PTGER3: variants seen among roughly 807,000 people sequenced by gnomAD.
PTGER3 encodes prostaglandin E receptor 3, also known as prostaglandin E2 receptor EP3 subtype.
PTGER3 carries 22 observed loss-of-function variants against 34.7 expected under a neutral mutation model. The ratio of observed to expected loss-of-function variants is 0.63; its 90% CI spans 0.45 to 0.91. The LOEUF (loss-of-function observed/expected upper bound fraction) is 0.91, where lower values mean the gene tolerates loss of function less well. Among genes scored for constraint, PTGER3 ranks in the 40% least tolerant of loss-of-function variants. The probability of loss-of-function intolerance (pLI) is 0.00; values close to 1 mark genes in which losing one functional copy is unlikely to be tolerated. For synonymous variants in PTGER3, 241 were observed against 230.1 expected, an observed-to-expected ratio of 1.05 and a Z score of -0.43; for missense variants, 468 against 519.4, an observed-to-expected ratio of 0.90 and a Z score of 0.96.
At chr1:70,908,434 C>T (rs1646994759) in intron 4 of PTGER3, among the ~76,000 whole-genome samples, 1 of 152,148 alleles carries the variant, frequency 6.6e-6, no homozygotes, top group East Asian at 1.9e-4. Flanking sequence ...GCTCCTTCTC[C>T]CCTGGAGCAG....
intron 2 of PTGER3, chr1:71,008,373 A>C: frequency 1.2e-6 from 1 of 865,694 alleles, no homozygotes; most frequent in African/African-American, 1.8e-5. Context: ...ATGGTATCAT[A>C]ATGTAATGGT....
Position 70,971,987 on chromosome 1 carries a change from A to C in PTGER3, c.1170-254T>G, listed in dbSNP as rs552238148. Among the ~76,000 whole-genome samples, 48 of 152,304 alleles carry C rather than the reference A, an allele frequency of 3.2e-4. 2 individuals carry two copies. The East Asian group carries it at 4.4e-3, about 14-fold the overall frequency. ...AACTCTAGTCTAAAAAGAAATAAGG[A>C]AGAATAGAAGCTGAAATAGCCAGGA... On this transcript the variant is annotated intron_variant, in intron 3 of 3. Transcript: ENST00000306666.
chr1:70,903,825 T>C (rs1646890625), intron 4 of PTGER3, among the ~76,000 whole-genome samples: 2 of 152,238 alleles, frequency 1.3e-5, no homozygotes, highest in Non-Finnish European at 1.5e-5. Context: ...CTACTTACTC[T>C]TGTAATACTG....
chr1:70,881,722 A>T (rs1646394504), intron 4 of PTGER3, among the ~76,000 whole-genome samples: 1 of 151,978 alleles, frequency 6.6e-6, no homozygotes, highest in Non-Finnish European at 1.5e-5. Context: ...TGTCTCCATG[A>T]CTGTGTTTCT....
In PTGER3 at chr1:70,976,019, T is replaced by C. The variant is rs544740974; in HGVS notation, c.1078-1631A>G. On this transcript the variant is annotated intron_variant, in intron 2 of 3. Transcript: ENST00000306666. ...GCCTGCTTTAACTAAGGAAATGCCCTTGGGCTTGCATTATTTGTTGGCTAA... is the reference window on the plus strand; with the variant it reads ...GCCTGCTTTAACTAAGGAAATGCCCCTGGGCTTGCATTATTTGTTGGCTAA... Among the ~76,000 whole-genome samples the C allele has an allele frequency of 9.9e-5, 15 of 152,234 alleles. No individual in the cohort carries two copies. The South Asian group carries it at 3.1e-3, about 32-fold the overall frequency.
Position 71,012,385 on chromosome 1 carries a change from G to A in PTGER3, c.997C>T (p.Arg333Cys). ...AAGATCTGGTTCAGTGAAGCCAGGC[G>A]AACAGCTATTAAGAAGAAGTTGCAT... ...KECNFFLIAVRLASLNQILDP... is the reference protein window; with the variant it reads ...KECNFFLIAVCLASLNQILDP... Residue 333 changes from arginine to cysteine, a missense_variant, in exon 2 of 4, where the codon CGC becomes TGC. This residue lies in a region of PTGER3 where 204 missense variants were observed against 230.8 expected (regional missense o/e 0.88). Transcript: ENST00000306666. The A allele has an allele frequency of 3.7e-6, 6 of 1,614,168 alleles. No homozygotes were observed. The highest frequency in any genetic ancestry group is 5.1e-6 in the Non-Finnish European group (6 of 1,180,026).
chr1:71,039,665 AAAAAAG>A (rs1660133506), intron 1 of PTGER3, among the ~76,000 whole-genome samples: 2 of 89,744 alleles, frequency 2.2e-5, no homozygotes, highest in Admixed American at 2.5e-4. Context: ...AAAAAAAAAA[AAAAAAG>A]AAAAAAAGAA....
Position 70,971,684 on chromosome 1 carries a change from T to A in PTGER3, c.*46A>T. 1 of 1,552,738 alleles carries A rather than the reference T, an allele frequency of 6.4e-7. No homozygotes were observed. Among genetic ancestry groups the A allele is most frequent in the South Asian group, 1.3e-5 (1 of 77,938 alleles). On this transcript the variant is annotated 3_prime_UTR_variant, in exon 4 of 4. Coordinates refer to ENST00000306666, the MANE Select transcript of PTGER3 (RefSeq NM_198719.2). Reference sequence around the variant, plus strand: ...CTCAGGTGGGAAGAAATATGCAAATTCAGGGAAGCAGGAATTGCAATAAAA... The same window carrying A: ...CTCAGGTGGGAAGAAATATGCAAATACAGGGAAGCAGGAATTGCAATAAAA...
intron 2 of PTGER3, among the ~76,000 whole-genome samples, chr1:70,962,943 C>A (rs754182361): frequency 6.6e-5 from 10 of 152,174 alleles, no homozygotes; most frequent in Non-Finnish European, 1.0e-4. Flanking sequence ...AAGTCCCTTG[C>A]CTGTAAAATC....
chr1:71,043,090 C>T (rs1573013414), intron 1 of PTGER3, among the ~76,000 whole-genome samples: 1 of 152,154 alleles, frequency 6.6e-6, no homozygotes, highest in East Asian at 1.9e-4. Context: ...GAACAAAATC[C>T]TAAGGTTATT....
intron 4 of PTGER3, among the ~76,000 whole-genome samples, chr1:70,882,501 T>C (rs1646411344): frequency 6.6e-6 from 1 of 152,208 alleles, no homozygotes. Context: ...GAAATGAGGA[T>C]AGATCAATCT....
chr1:71,016,182 G>T (rs2100875095), intron 1 of PTGER3, among the ~76,000 whole-genome samples: 1 of 152,228 alleles, frequency 6.6e-6, no homozygotes, highest in African/African-American at 2.4e-5. Context: ...ATCCTCTTGT[G>T]TAATTTCTTT....
At position 70,882,597 on chromosome 1, in the gene PTGER3, G is replaced by A. The variant is rs138643274; in HGVS notation, c.*24-29738C>T. Among the ~76,000 whole-genome samples, 168 of 152,350 alleles carry A rather than the reference G, an allele frequency of 1.1e-3. 1 individual carries two copies. Among genetic ancestry groups the A allele is most frequent in the African/African-American group, 3.6e-3 (148 of 41,586 alleles). ...GCTTTGGGGCCAAAGGCTTGCAGAG[G>A]CCCTCTTGGACTCAAAAGTTGCCTC... On this transcript the variant is annotated intron_variant, in intron 4 of 4. Coordinates refer to the PTGER3 transcript ENST00000370931.
chr1:70,970,314 A>T (rs928356972), downstream of PTGER3, among the ~76,000 whole-genome samples: 5 of 152,142 alleles, frequency 3.3e-5, no homozygotes, highest in Non-Finnish European at 2.9e-5. Context: ...CATTCTTCTG[A>T]TGTTGGCAAA....
intron 4 of PTGER3, among the ~76,000 whole-genome samples, chr1:70,897,833 T>A (rs1314841987): frequency 6.6e-6 from 1 of 152,222 alleles, no homozygotes; most frequent in Non-Finnish European, 1.5e-5. Flanking sequence ...TGTTATTGAC[T>A]TCAACATGTT....
chr1:70,925,265 A>G (rs556274553), intron 4 of PTGER3, among the ~76,000 whole-genome samples: 15 of 152,278 alleles, frequency 9.9e-5, no homozygotes, highest in African/African-American at 2.9e-4. Context: ...TCAGCCTACC[A>G]AGGTGCTGGA....
At chr1:70,923,022 A>C (rs1647700014) in intron 4 of PTGER3, among the ~76,000 whole-genome samples, 1 of 152,176 alleles carries the variant, frequency 6.6e-6, no homozygotes, top group Non-Finnish European at 1.5e-5. Context: ...AAAGGCTTAT[A>C]AAAGGTTTAT....
chr1:70,880,380 T>C (rs1646363880), intron 4 of PTGER3, among the ~76,000 whole-genome samples: 1 of 151,932 alleles, frequency 6.6e-6, no homozygotes, highest in East Asian at 1.9e-4. Flanking sequence ...AATTTCTTTT[T>C]TCTTTTTTTT....
intron 4 of PTGER3, among the ~76,000 whole-genome samples, chr1:70,946,227 C>A (rs956841514): frequency 1.3e-5 from 2 of 152,078 alleles, no homozygotes; most frequent in Non-Finnish European, 2.9e-5. Context: ...ACTTAGTTTT[C>A]TCCTTTATTT....
Sources: allele counts gnomAD v4.1 joint callset (sites outside exome capture counted in the v4.1 genomes callset), GRCh38; gene constraint gnomAD v4.1.1; regional missense constraint gnomAD v4.1.1; transcripts MANE v1.5; gene names NCBI Gene and HGNC (gene_info 2026-07-23, HGNC 2026-07-21).